ZNF584: variants seen among roughly 807,000 people sequenced by gnomAD.
ZNF584 encodes the protein zinc finger protein 584.
In ZNF584, 12 loss-of-function variants were observed where a neutral mutation model predicts 14.7. That is an observed-to-expected ratio of 0.82 (90% CI 0.52 to 1.32). The LOEUF (loss-of-function observed/expected upper bound fraction) is 1.32. Among genes scored for constraint, ZNF584 ranks in the 40% most tolerant of loss-of-function variants. The pLI is 0.00. For synonymous variants in ZNF584, 204 were observed against 190.9 expected (o/e 1.07, Z -0.57); for missense variants, 478 against 518.8 (o/e 0.92, Z 0.76).
Position 58,409,953 on chromosome 19 carries a change from C to T in ZNF584, c.31C>T (p.Pro11Ser), listed in dbSNP as rs755638901. 4.3e-6 allele frequency: 7 copies of T among 1,613,808 alleles called. No homozygotes were observed. Among genetic ancestry groups the T allele is most frequent in the East Asian group, 2.2e-5 (1 of 44,880 alleles). The stretch of plus-strand genomic sequence containing the variant: ...CATTGACCCCAAGGCTCAGTTGGAC[C>T]CATCATTGCAGGGCTTGGTGATGTT... MAGEAEAQLDPSLQGLVMFED... is the reference protein window; with the variant it reads MAGEAEAQLDSSLQGLVMFED... The change falls in exon 2 of 4, where the codon CCA (proline) becomes TCA (serine). Residue 11 changes from proline to serine, a missense_variant. By Grantham distance (74) the Pro-to-Ser change is moderately conservative. Around this residue, in one of 3 missense-constraint regions of ZNF584, gnomAD observed 189 missense variants for 177.9 expected, o/e 1.06. Transcript: ENST00000306910.
rs768680799 is a variant in ZNF584 at position 58,417,623 on chromosome 19, C to T, written c.1105C>T (p.Arg369Cys). The T allele has an allele frequency of 1.4e-5, 22 of 1,613,986 alleles. No homozygotes were observed. Among genetic ancestry groups the T allele is most frequent in the East Asian group, 6.7e-5 (3 of 44,878 alleles). Residue 369 changes from arginine (R) to cysteine (C), a missense_variant, in exon 4 of 4, where the codon CGC (arginine) becomes TGC (cysteine). By Grantham distance (180) the Arg-to-Cys change is radical. This residue lies in a region of ZNF584 where 283 missense variants were observed against 317.3 expected (regional missense o/e 0.89). Transcript: ENST00000306910. The part of the protein sequence containing the change: ...CGKTFTTRSY[R>C]NRHQQFHTEE... ...GAAAACCTTCACTACCAGATCCTAC[C>T]GCAATCGGCACCAGCAGTTCCACAC...
Position 58,416,835 on chromosome 19 carries a change from A to G in ZNF584, c.317A>G (p.Glu106Gly). The change falls in exon 4 of 4, where the codon GAG becomes GGG. Residue 106 changes from glutamate to glycine, a missense_variant. By Grantham distance (98) the Glu-to-Gly change is moderately conservative. This residue lies in a region of ZNF584 where 189 missense variants were observed against 177.9 expected (regional missense o/e 1.06). Transcript: ENST00000306910. The part of the protein sequence containing the change: ...GLDGLCRVED[E>G]RAHPEHLKSY... The stretch of plus-strand genomic sequence containing the variant: ...GATGGTTTGTGTAGAGTGGAGGATG[A>G]GAGAGCCCATCCTGAGCATCTAAAG... 1 of 1,563,242 alleles carries G rather than the reference A, an allele frequency of 6.4e-7. No individual in the cohort carries two copies. Among genetic ancestry groups the G allele is most frequent in the Non-Finnish European group, 8.6e-7 (1 of 1,156,710 alleles).
intron 3 of ZNF584, 32 bp from the exon 4 acceptor site, chr19:58,416,779 A>T: frequency 1.3e-6 from 2 of 1,522,282 alleles, no homozygotes; most frequent in Non-Finnish European, 1.8e-6. Context: ...CCTCTAGTTC[A>T]ACTCTTAGTA....
At chr19:58,415,966 A>G (rs1330183575) in intron 3 of ZNF584, 6 of 1,592,560 alleles carry the variant, frequency 3.8e-6, no homozygotes, top group Non-Finnish European at 5.1e-6. Context: ...CCAATCCTTA[A>G]TTAATACTTA....
intron 2 of ZNF584, among the ~76,000 whole-genome samples, chr19:58,412,408 A>C (rs1039969997): frequency 1.5e-4 from 22 of 151,452 alleles, no homozygotes; most frequent in Admixed American, 1.2e-3. Flanking sequence ...ACGGGGTTTC[A>C]CCTTGTTAGC....
chr19:58,412,391 A>C (rs888137754), intron 2 of ZNF584, among the ~76,000 whole-genome samples: 1 of 151,020 alleles, frequency 6.6e-6, no homozygotes, highest in Non-Finnish European at 1.5e-5. Context: ...TTGTATTTTT[A>C]GTAGAGACGG....
Position 58,410,518 on chromosome 19 carries a change from A to AATATAT in ZNF584, c.169+462_169+467dup, listed in dbSNP as rs1156543028. ...GAATTTTAATCAGAACGGTTTGGGA[A>AATATAT]ATATATATATATATATATATATATA... On this transcript the variant is annotated intron_variant, in intron 2 of 3. Transcript: ENST00000306910. Among the ~76,000 whole-genome samples the AATATAT allele has an allele frequency of 2.5e-3, 189 of 77,012 alleles. 8 individuals carry two copies. The highest frequency in any genetic ancestry group is 6.4e-3 in the Admixed American group (30 of 4,672). 50.5% of individuals were successfully genotyped at this position (77,012 alleles called of 152,430 possible). A position where few individuals can be genotyped will look rare whatever the true frequency, so the allele number is the denominator to read the frequency against.
At chr19:58,410,591 ATG>A (rs1414029882) in intron 2 of ZNF584, among the ~76,000 whole-genome samples, 2 of 33,068 alleles carry the variant, frequency 6.0e-5, no homozygotes, top group Admixed American at 5.7e-4. Context: ...ATGTATATAT[ATG>A]TATATATATG....
chr19:58,408,961 C>T lies in ZNF584; in HGVS notation c.-187C>T. ...TCGCTCGCGGACAGGCGCCGTGGGT[C>T]TCCCGGGCCTCCGTACCGTCCTCCT... On this transcript the variant is annotated 5_prime_UTR_variant, in exon 1 of 4. Coordinates refer to ENST00000306910, the MANE Select transcript of ZNF584 (RefSeq NM_173548.3). 1 of 610,442 alleles carries T rather than the reference C, an allele frequency of 1.6e-6. No homozygotes were observed. Among genetic ancestry groups the T allele is most frequent in the Non-Finnish European group, 2.6e-6 (1 of 388,812 alleles). 37.8% of individuals were successfully genotyped at this position (610,442 alleles called of 1,614,324 possible).
intron 3 of ZNF584, chr19:58,415,973 C>T: frequency 1.3e-6 from 2 of 1,590,332 alleles, no homozygotes; most frequent in Non-Finnish European, 1.7e-6. Flanking sequence ...TTAATTAATA[C>T]TTAAACACCA....
chr19:58,415,700 T>C (rs2052633824), intron 3 of ZNF584, 54 bp downstream of exon 3: 1 of 1,608,264 alleles, frequency 6.2e-7, no homozygotes, highest in Non-Finnish European at 8.5e-7. Flanking sequence ...CACAGAATGC[T>C]GAGTACCTGC....
At position 58,409,058 on chromosome 19, in the gene ZNF584, A is replaced by T. The variant is rs2052505685; in HGVS notation, c.-90A>T. ...CCCGCGCGGGGAGAGCTTCCCGGGA[A>T]GGTTCCACGGCGGCCGAGGGTTTCC... On this transcript the variant is annotated 5_prime_UTR_variant, in exon 1 of 4. The change creates a new upstream start codon in the 5' untranslated region. Transcript: ENST00000306910. 1.1e-5 allele frequency: 16 copies of T among 1,424,936 alleles called. No homozygotes were observed. The highest frequency in any genetic ancestry group is 1.5e-5 in the African/African-American group (1 of 67,246). 88.3% of individuals were successfully genotyped at this position (1,424,936 alleles called of 1,614,324 possible). A position where few individuals can be genotyped will look rare whatever the true frequency, so the allele number is the denominator to read the frequency against.
In ZNF584 at chr19:58,417,811, T is replaced by C; in HGVS notation, c.*27T>C. ...ACCGTGTTCATCAGGAAAGGTCTTA[T>C]TCCAGAAAGGAGGTTAAGGAGAGTG... On this transcript the variant is annotated 3_prime_UTR_variant, in exon 4 of 4. Coordinates refer to ENST00000306910, the MANE Select transcript of ZNF584 (RefSeq NM_173548.3). The C allele has an allele frequency of 6.4e-7, 1 of 1,569,020 alleles. No individual in the cohort carries two copies. Among genetic ancestry groups the C allele is most frequent in the Non-Finnish European group, 8.6e-7 (1 of 1,158,472 alleles).
Position 58,409,114 on chromosome 19 carries a change from G to C in ZNF584, c.-34G>C. The C allele has an allele frequency of 6.8e-7, 1 of 1,474,500 alleles. No homozygotes were observed. The highest frequency in any genetic ancestry group is 9.1e-7 in the Non-Finnish European group (1 of 1,104,596). 91.3% of individuals were successfully genotyped at this position (1,474,500 alleles called of 1,614,324 possible). ...CGGGACGCGTTTCGGCTGAGGCCGT[G>C]GGTCCAGTCCACGGGTTCTGCCCGC... is the stretch of plus-strand genomic sequence containing the variant. On this transcript the variant is annotated 5_prime_UTR_variant, in exon 1 of 4. Transcript: ENST00000306910.
At chr19:58,402,040 GC>G (rs1434441895) in intron 1 of ZNF584, among the ~76,000 whole-genome samples, 1 of 151,742 alleles carries the variant, frequency 6.6e-6, no homozygotes, top group African/African-American at 2.4e-5. Flanking sequence ...CTGCACTCCA[GC>G]CCGGGCGACA....
intron 1 of ZNF584, 64 bp downstream of exon 1, chr19:58,409,229 G>C: frequency 7.2e-7 from 1 of 1,382,180 alleles, no homozygotes; most frequent in Non-Finnish European, 9.5e-7. Flanking sequence ...GTGTGCCAGG[G>C]CAGAGTTGGA....
At chr19:58,408,455 G>C (rs2052494999), upstream of ZNF584, 1 of 152,352 alleles carries the variant, frequency 6.6e-6, no homozygotes, top group Non-Finnish European at 1.5e-5. Flanking sequence ...ACCGCCCAAT[G>C]ATCCCACTGC....
chr19:58,410,229 A>T, intron 2 of ZNF584, 138 bp downstream of exon 2: 1 of 1,141,900 alleles, frequency 8.8e-7, no homozygotes, highest in South Asian at 1.8e-5. Context: ...GGGTGGTGGG[A>T]CTCGGTGGTG....
At position 58,415,484 on chromosome 19, in the gene ZNF584, C is replaced by A. The variant is rs374444706; in HGVS notation, c.170-40C>A. The A allele has an allele frequency of 9.4e-6, 15 of 1,591,092 alleles. No homozygotes were observed. In the African/African-American group the frequency reaches 2.0e-4, roughly 21 times the overall value. ...GTGCTGGGATTACAGGCATCAGCCACCATGCCCAGCCTGTTTCTTTTACTA... is the reference window on the plus strand; with the variant it reads ...GTGCTGGGATTACAGGCATCAGCCAACATGCCCAGCCTGTTTCTTTTACTA... On this transcript the variant is annotated intron_variant, in intron 2 of 3. Transcript: ENST00000306910.
Sources: allele counts gnomAD v4.1 joint callset (sites outside exome capture counted in the v4.1 genomes callset), GRCh38; gene constraint gnomAD v4.1.1; regional missense constraint gnomAD v4.1.1; transcripts MANE v1.5; gene names NCBI Gene and HGNC (gene_info 2026-07-23, HGNC 2026-07-21).